RBFOX1: variants seen among roughly 807,000 people sequenced by gnomAD.
RBFOX1 encodes the protein RNA binding fox-1 homolog 1.
In RBFOX1, 8 loss-of-function variants were observed where a neutral mutation model predicts 57.7. The observed-to-expected ratio is 0.14, with a 90% CI of 0.08 to 0.25. The LOEUF (loss-of-function observed/expected upper bound fraction) is 0.25, where lower values mean the gene tolerates loss of function less well. Ranked by LOEUF, RBFOX1 falls within the 10% of genes least tolerant of loss-of-function variation. The pLI is 1.00. For synonymous variants in RBFOX1, 326 were observed against 222.4 expected (o/e 1.47, Z -4.15); for missense variants, 611 against 548.5 (o/e 1.11, Z -1.14).
At position 7,711,232 on chromosome 16, in the gene RBFOX1, A is replaced by G. The variant is rs1005409312; in HGVS notation, c.*487A>G. On this transcript the variant is annotated 3_prime_UTR_variant, in exon 16 of 16. Transcript: ENST00000550418. The stretch of plus-strand genomic sequence containing the variant: ...GAACTGGGGTTTGGCTGAAAGAAAA[A>G]AAAAAAAATGTAACTGATGAATCTA... 2 of 152,364 alleles carry G rather than the reference A, an allele frequency of 1.3e-5. No homozygotes were observed. The highest frequency in any genetic ancestry group is 4.8e-5 in the African/African-American group (2 of 41,394). 9.4% of individuals were successfully genotyped at this position (152,364 alleles called of 1,614,324 possible).
intron 2 of RBFOX1, among the ~76,000 whole-genome samples, chr16:6,393,253 A>G (rs140217505): frequency 2.0e-4 from 31 of 152,364 alleles, no homozygotes; most frequent in Non-Finnish European, 3.5e-4. Context: ...CTGAGCATCC[A>G]GTCATTAGGG....
chr16:6,551,825 C>G (rs962661157), intron 2 of RBFOX1, among the ~76,000 whole-genome samples: 9 of 152,196 alleles, frequency 5.9e-5, no homozygotes, highest in Non-Finnish European at 1.3e-4. Flanking sequence ...AATTACATCT[C>G]ACATTCTGCC....
chr16:6,596,557 T>G (rs1250137678), intron 2 of RBFOX1, among the ~76,000 whole-genome samples: 1 of 152,210 alleles, frequency 6.6e-6, no homozygotes, highest in East Asian at 1.9e-4. Flanking sequence ...CAGCCTCAAC[T>G]CTAGGATAAG....
chr16:6,757,874 G>A (rs889691709), intron 3 of RBFOX1, among the ~76,000 whole-genome samples: 2 of 152,174 alleles, frequency 1.3e-5, no homozygotes, highest in African/African-American at 2.4e-5. Context: ...AACACATTGT[G>A]TGCATGTATC....
chr16:6,933,934 A>G (rs1274668354), intron 3 of RBFOX1, among the ~76,000 whole-genome samples: 1 of 152,348 alleles, frequency 6.6e-6, no homozygotes, highest in East Asian at 1.9e-4. Context: ...TTAAAAAACA[A>G]CAACATGGTA....
intron 3 of RBFOX1, among the ~76,000 whole-genome samples, chr16:5,777,212 C>G (rs187857313): frequency 6.6e-6 from 1 of 152,188 alleles, no homozygotes; most frequent in East Asian, 1.9e-4. Context: ...ATTTCCTTGC[C>G]TTTTCCAGCT....
At chr16:5,850,928 T>C (rs2056881901) in intron 3 of RBFOX1, among the ~76,000 whole-genome samples, 1 of 152,216 alleles carries the variant, frequency 6.6e-6, no homozygotes, top group South Asian at 2.1e-4. Context: ...GCAGCCTGGC[T>C]GGAGATGGCA....
intron 1 of RBFOX1, among the ~76,000 whole-genome samples, chr16:6,070,798 A>G (rs930378055): frequency 6.6e-6 from 1 of 151,964 alleles, no homozygotes. Context: ...AGGTAATAAA[A>G]TTATACACAC....
chr16:6,446,803 G>C (rs2094495297), intron 2 of RBFOX1, among the ~76,000 whole-genome samples: 1 of 152,144 alleles, frequency 6.6e-6, no homozygotes, highest in African/African-American at 2.4e-5. Context: ...AAACCAAAGA[G>C]AGAGGTGTCC....
chr16:6,102,382 T>C (rs1031047209), intron 1 of RBFOX1, among the ~76,000 whole-genome samples: 1 of 152,214 alleles, frequency 6.6e-6, no homozygotes, highest in Non-Finnish European at 1.5e-5. Flanking sequence ...CAGTTTTTAT[T>C]TCATATGATC....
intron 1 of RBFOX1, chr16:5,365,884 A>G: frequency 2.0e-6 from 1 of 502,502 alleles, no homozygotes; most frequent in Admixed American, 2.1e-5. Context: ...AAAGATGATC[A>G]CTTCAAGGTG....
chr16:6,548,290 T>G (rs1045297308), intron 2 of RBFOX1, among the ~76,000 whole-genome samples: 12 of 152,202 alleles, frequency 7.9e-5, no homozygotes, highest in African/African-American at 2.9e-4. Context: ...CGAGATCATT[T>G]GAATCATTTT....
chr16:5,649,322 A>C (rs2049155021), intron 3 of RBFOX1, among the ~76,000 whole-genome samples: 1 of 151,944 alleles, frequency 6.6e-6, no homozygotes, highest in Admixed American at 6.5e-5. Flanking sequence ...GGCATGCGCC[A>C]CTATGCCTGG....
At chr16:6,760,225 C>G (rs991836983) in intron 3 of RBFOX1, among the ~76,000 whole-genome samples, 1 of 152,156 alleles carries the variant, frequency 6.6e-6, no homozygotes, top group Non-Finnish European at 1.5e-5. Context: ...ATGAATTCCT[C>G]ATGTCTTTAA....
chr16:6,643,502 C>T (rs1047572331), intron 2 of RBFOX1, among the ~76,000 whole-genome samples: 1 of 152,156 alleles, frequency 6.6e-6, no homozygotes, highest in Non-Finnish European at 1.5e-5. Context: ...GAAAGGCAAG[C>T]ATGATTTGAA....
In RBFOX1 at chr16:7,396,144, G is replaced by A. The variant is rs544070918; in HGVS notation, c.28-122003G>A. ...CTGTTCTTTTGCCAATAACCAGGGC[G>A]GAAGGAGGACGAGAGGAAGAAGACA... On this transcript the variant is annotated intron_variant, in intron 4 of 15. Transcript: ENST00000550418. Among the ~76,000 whole-genome samples, 19 of 152,164 alleles carry A rather than the reference G, an allele frequency of 1.2e-4. 1 individual carries two copies. The East Asian group carries it at 2.9e-3, about 23-fold the overall frequency.
chr16:6,445,914 A>G (rs1264877436), intron 2 of RBFOX1, among the ~76,000 whole-genome samples: 1 of 151,596 alleles, frequency 6.6e-6, no homozygotes, highest in East Asian at 2.0e-4. Context: ...GGCTCATTTG[A>G]TTCAGCATCC....
chr16:6,970,090 A>T lies in RBFOX1; in HGVS notation c.-15-81967A>T, dbSNP rs574249605. The stretch of plus-strand genomic sequence containing the variant: ...CTACTTGGGAGGCTGAGGCAGGAAG[A>T]TGATTTGAGCCTAGGGGTTCAAGAC... On this transcript the variant is annotated intron_variant, in intron 3 of 15. Coordinates refer to ENST00000550418, the MANE Select transcript of RBFOX1 (RefSeq NM_018723.4). Among the ~76,000 whole-genome samples the T allele has an allele frequency of 1.5e-4, 23 of 152,248 alleles. 1 individual carries two copies. The South Asian group carries it at 2.7e-3, about 18-fold the overall frequency.
chr16:5,843,468 G>A (rs955741492), intron 3 of RBFOX1, among the ~76,000 whole-genome samples: 8 of 152,214 alleles, frequency 5.3e-5, no homozygotes, highest in Admixed American at 1.3e-4. Flanking sequence ...ACATGATCTC[G>A]TTCTTTCTTA....
Sources: gnomAD v4.1 joint callset for allele counts (sites outside exome capture counted in the v4.1 genomes callset) on GRCh38, gnomAD v4.1.1 for gene constraint, MANE v1.5 for transcripts, NCBI Gene and HGNC (gene_info 2026-07-23, HGNC 2026-07-21) for gene names.